Variants in B3GALT5 observed in about 807,000 individuals in gnomAD.
B3GALT5 encodes the protein beta-1,3-galactosyltransferase 5, also known as UDP-Gal:betaGlcNAc beta 1,3-galactosyltransferase, polypeptide 5.
For synonymous variants in B3GALT5, 156 were observed against 158.6 expected (o/e 0.98, Z 0.12); for missense variants, 328 against 396.6 (o/e 0.83, Z 1.47).
intron 2 of B3GALT5, among the ~76,000 whole-genome samples, chr21:39,652,882 A>G (rs1448627661): frequency 2.6e-5 from 4 of 152,356 alleles, no homozygotes; most frequent in Admixed American, 2.6e-4. Flanking sequence ...TTTGTGGTCA[A>G]ATAAATTTGG....
intron 1 of B3GALT5, among the ~76,000 whole-genome samples, chr21:39,636,077 A>G (rs1367491560): frequency 6.6e-6 from 1 of 152,234 alleles, no homozygotes; most frequent in East Asian, 1.9e-4. Flanking sequence ...CATAAACCAC[A>G]GAAGTTAAGT....
intron 1 of B3GALT5, among the ~76,000 whole-genome samples, chr21:39,619,112 T>C (rs1000664389): frequency 1.7e-5 from 2 of 114,716 alleles, no homozygotes; most frequent in African/African-American, 6.7e-5. Context: ...ATTTATTCTA[T>C]TTTATGGTCT....
rs148464719 is a variant in B3GALT5, at chr21:39,623,740, C to T, written c.-392+10673C>T. 6.7e-3 allele frequency among the ~76,000 whole-genome samples: 1,023 copies of T among 152,162 alleles called. 13 individuals are homozygous for T. Among genetic ancestry groups the T allele is most frequent in the African/African-American group, 0.023 (971 of 41,522 alleles). On this transcript the variant is annotated intron_variant, in intron 1 of 3. Transcript: ENST00000684187. ...TTAGCTTTTAGGACTTTCTCATTTT[C>T]GACGTTCTGTGGACTCACTATGATG...
At position 39,668,000 on chromosome 21, in the gene B3GALT5, T is replaced by A. The variant is rs530474204; in HGVS notation, c.*6508T>A. 23 of 152,348 alleles carry A rather than the reference T, an allele frequency of 1.5e-4. No homozygotes were observed. Among genetic ancestry groups the A allele is most frequent in the African/African-American group, 5.5e-4 (23 of 41,572 alleles). 9.4% of individuals were successfully genotyped at this position (152,348 alleles called of 1,614,324 possible). A position where few individuals can be genotyped will look rare whatever the true frequency, so the allele number is the denominator to read the frequency against. ...TCAGAGGTGTGGAAATTAAGATAATTCACATTGAGTTCTTGGCACGGCTGT... is the reference window on the plus strand; with the variant it reads ...TCAGAGGTGTGGAAATTAAGATAATACACATTGAGTTCTTGGCACGGCTGT... On this transcript the variant is annotated 3_prime_UTR_variant, in exon 4 of 4. Coordinates refer to ENST00000684187, the MANE Select transcript of B3GALT5 (RefSeq NM_001356336.2).
rs2146231798 is a variant in B3GALT5 at position 39,667,781 on chromosome 21, C to G, written c.*6289C>G. 6.6e-6 allele frequency: 1 copy of G among 152,328 alleles called. No individual in the cohort carries two copies. The highest frequency in any genetic ancestry group is 1.9e-4 in the East Asian group (1 of 5,174). 9.4% of individuals were successfully genotyped at this position (152,328 alleles called of 1,614,324 possible). Reference sequence around the variant, plus strand: ...AGGATACTAACTGGGGAAGAGGAGACCTTGCTTCCAGGGCTGGGCGACCCA... The same window carrying G: ...AGGATACTAACTGGGGAAGAGGAGAGCTTGCTTCCAGGGCTGGGCGACCCA... On this transcript the variant is annotated 3_prime_UTR_variant, in exon 4 of 4. Coordinates refer to ENST00000684187, the MANE Select transcript of B3GALT5 (RefSeq NM_001356336.2).
intron 2 of B3GALT5, among the ~76,000 whole-genome samples, chr21:39,656,458 G>A (rs893864175): frequency 7.9e-5 from 12 of 152,074 alleles, no homozygotes; most frequent in African/African-American, 2.4e-4. Flanking sequence ...CGTCCTTCAC[G>A]GGGCTCAGAA....
Position 39,671,120 on chromosome 21 carries a change from T to A in B3GALT5, c.*9628T>A, listed in dbSNP as rs183816303. Reference sequence around the variant, plus strand: ...TTGGCAATAACTGACCCTCCTCTTATAATAACATTAATTCATTCATGACAG... The same window carrying A: ...TTGGCAATAACTGACCCTCCTCTTAAAATAACATTAATTCATTCATGACAG... On this transcript the variant is annotated 3_prime_UTR_variant, in exon 4 of 4. Coordinates refer to ENST00000684187, the MANE Select transcript of B3GALT5 (RefSeq NM_001356336.2). 6.6e-6 allele frequency: 1 copy of A among 152,210 alleles called. No homozygotes were observed. Among genetic ancestry groups the A allele is most frequent in the East Asian group, 1.9e-4 (1 of 5,192 alleles). The allele number at this position is 152,210 out of a possible 1,614,324, so 9.4% of individuals were successfully genotyped here.
intron 1 of B3GALT5, among the ~76,000 whole-genome samples, chr21:39,624,745 T>A (rs1318022203): frequency 6.6e-6 from 1 of 152,102 alleles, no homozygotes; most frequent in Non-Finnish European, 1.5e-5. Flanking sequence ...GAATTTGGCT[T>A]CTTCAAGGAT....
At chr21:39,621,787 T>C (rs2079135815) in intron 1 of B3GALT5, among the ~76,000 whole-genome samples, 1 of 152,200 alleles carries the variant, frequency 6.6e-6, no homozygotes, top group African/African-American at 2.4e-5. Flanking sequence ...TTTATTTCTG[T>C]CTCTTTTTTT....
At chr21:39,656,147 C>T (rs1218048746) in intron 2 of B3GALT5, among the ~76,000 whole-genome samples, 1 of 152,182 alleles carries the variant, frequency 6.6e-6, no homozygotes, top group African/African-American at 2.4e-5. Context: ...GGGTTTTAAA[C>T]AAGCCTCCCG....
chr21:39,656,646 C>T (rs953764994), intron 2 of B3GALT5, among the ~76,000 whole-genome samples: 1 of 152,198 alleles, frequency 6.6e-6, no homozygotes, highest in Admixed American at 6.5e-5. Context: ...CCAGACCCCC[C>T]CTTCAGTTTT....
chr21:39,638,798 C>T (rs747237946), intron 1 of B3GALT5, among the ~76,000 whole-genome samples: 1 of 152,142 alleles, frequency 6.6e-6, no homozygotes. Context: ...TTATGCTCCC[C>T]TAGAGGTTTG....
At chr21:39,626,037 A>G (rs1569207648) in intron 1 of B3GALT5, among the ~76,000 whole-genome samples, 1 of 152,030 alleles carries the variant, frequency 6.6e-6, no homozygotes, top group African/African-American at 2.4e-5. Flanking sequence ...GCCCCAGGAC[A>G]TTTTCATTAC....
chr21:39,639,438 T>C (rs1425005378), intron 1 of B3GALT5, among the ~76,000 whole-genome samples: 12 of 113,290 alleles, frequency 1.1e-4, no homozygotes, highest in African/African-American at 3.5e-4. Context: ...CTTTCTTTCT[T>C]TCTTTCTTTC....
chr21:39,650,381 C>G (rs1290608047), intron 2 of B3GALT5, among the ~76,000 whole-genome samples: 4 of 152,194 alleles, frequency 2.6e-5, no homozygotes, highest in African/African-American at 9.6e-5. Flanking sequence ...AAGGCGGGCA[C>G]AGGCTGCTCC....
intron 1 of B3GALT5, among the ~76,000 whole-genome samples, chr21:39,634,019 T>C (rs1366914253): frequency 6.6e-6 from 1 of 152,206 alleles, no homozygotes; most frequent in Non-Finnish European, 1.5e-5. Context: ...TTTTAAGCTC[T>C]TTGGAACCAC....
rs1007899478 is a variant in B3GALT5, at chr21:39,659,892, G to A, written c.-21G>A. The A allele has an allele frequency of 9.1e-6, 9 of 985,236 alleles. No individual in the cohort carries two copies. In the African/African-American group the frequency reaches 1.6e-4, roughly 17 times the overall value. 61.0% of individuals were successfully genotyped at this position (985,236 alleles called of 1,614,324 possible). A position where few individuals can be genotyped will look rare whatever the true frequency, so the allele number is the denominator to read the frequency against. ...TGTGGCTTTAGCTTTCAAACCAGAG[G>A]TTCCTCTTACCCAGCAAAAAGTGAG... On this transcript the variant is annotated 5_prime_UTR_variant, in exon 3 of 4. Coordinates refer to ENST00000684187, the MANE Select transcript of B3GALT5 (RefSeq NM_001356336.2).
intron 1 of B3GALT5, among the ~76,000 whole-genome samples, chr21:39,642,057 G>A (rs1230893190): frequency 3.3e-5 from 5 of 152,204 alleles, no homozygotes; most frequent in Non-Finnish European, 7.3e-5. Context: ...CTGTCCTGTA[G>A]TACCTTGCTC....
intron 2 of B3GALT5, among the ~76,000 whole-genome samples, chr21:39,656,719 G>A (rs1262838924): frequency 6.6e-6 from 1 of 152,222 alleles, no homozygotes; most frequent in Admixed American, 6.5e-5. Flanking sequence ...CTCAGGTCAG[G>A]CTTAAGGCAA....
Sources: gnomAD v4.1 joint callset for allele counts (sites outside exome capture counted in the v4.1 genomes callset) on GRCh38, gnomAD v4.1.1 for gene constraint, MANE v1.5 for transcripts, NCBI Gene and HGNC (gene_info 2026-07-23, HGNC 2026-07-21) for gene names.